TBC1D9B: variants seen among roughly 807,000 people sequenced by gnomAD.
TBC1D9B encodes the protein TBC1 domain family, member 9B (with GRAM domain).
Under a neutral mutation model 121.1 loss-of-function variants are expected in TBC1D9B, and 87 were observed. The ratio of observed to expected loss-of-function variants is 0.72; its 90% confidence interval spans 0.60 to 0.86. The LOEUF (loss-of-function observed/expected upper bound fraction) is 0.86. TBC1D9B is among the 40% of genes least tolerant of loss of function. The pLI is 0.00. For synonymous variants in TBC1D9B, 668 were observed against 670.1 expected (o/e 1.00, Z 0.05); for missense variants, 1,540 against 1,628.6 (o/e 0.95, Z 0.94).
chr5:179,863,351 A>C lies in TBC1D9B; in HGVS notation c.*97T>G. 1 of 1,390,152 alleles carries C rather than the reference A, an allele frequency of 7.2e-7. No individual in the cohort carries two copies. Among genetic ancestry groups the C allele is most frequent in the South Asian group, 1.4e-5 (1 of 71,550 alleles). The allele number at this position is 1,390,152 out of a possible 1,614,324, so 86.1% of individuals were successfully genotyped here. On this transcript the variant is annotated 3_prime_UTR_variant, in exon 21 of 21. Coordinates refer to ENST00000355235, the MANE Select transcript of TBC1D9B (RefSeq NM_015043.4). The surrounding 1 kb of genome is among the most constrained non-coding windows in gnomAD (Gnocchi z 4.5). ...CTGCTCCTGGGAGAGCAGGAGGGGC[A>C]CACCTTTAAAGAGAAACTGATAAGG...
Position 179,907,828 on chromosome 5 carries a change from G to C in TBC1D9B, c.-7C>G. On this transcript the variant is annotated 5_prime_UTR_variant, in exon 1 of 21. Coordinates refer to ENST00000355235, the MANE Select transcript of TBC1D9B (RefSeq NM_015043.4). This position sits in a 1 kb window ranked among gnomAD's most constrained non-coding sequence, Gnocchi z 5.3. ...CCTCCGGGCTCAGCCACATCGCGGA[G>C]CCGCTCGCACCGGGCCGAGGCCCGC... The C allele has an allele frequency of 8.7e-7, 1 of 1,154,940 alleles. No individual in the cohort carries two copies. Among genetic ancestry groups the C allele is most frequent in the Non-Finnish European group, 1.1e-6 (1 of 917,374 alleles). 71.5% of individuals were successfully genotyped at this position (1,154,940 alleles called of 1,614,324 possible).
chr5:179,863,389 G>A lies in TBC1D9B; in HGVS notation c.*59C>T, dbSNP rs529152077. The stretch of plus-strand genomic sequence containing the variant: ...GAAACTGATAAGGGAGGAAAGGCAG[G>A]AGGAGATGAGGCCAGCCCCACTGAT... On this transcript the variant is annotated 3_prime_UTR_variant, in exon 21 of 21. Transcript: ENST00000355235. The surrounding 1 kb of genome is among the most constrained non-coding windows in gnomAD (Gnocchi z 4.5). The A allele has an allele frequency of 1.2e-5, 18 of 1,550,666 alleles. No individual in the cohort carries two copies. The highest frequency in any genetic ancestry group is 6.8e-5 in the African/African-American group (5 of 73,114).
rs755343885 is a variant in TBC1D9B, at chr5:179,899,188, C to T, written c.348+1G>A. 1.2e-5 allele frequency: 20 copies of T among 1,600,632 alleles called. No homozygotes were observed. Among genetic ancestry groups the T allele is most frequent in the African/African-American group, 6.7e-5 (5 of 74,568 alleles). On this transcript the variant is annotated splice_donor_variant, in intron 3 of 20. Coordinates refer to ENST00000355235, the MANE Select transcript of TBC1D9B (RefSeq NM_015043.4). LOFTEE classifies it high-confidence loss of function. ...AACAGAGAGTGGCGGGTAAACCTTA[C>T]GTGTATCTTGCCCTTGACGAAGGTG... is the stretch of plus-strand genomic sequence containing the variant.
At chr5:179,886,164 C>G (rs1017394784) in intron 7 of TBC1D9B, among the ~76,000 whole-genome samples, 3 of 152,158 alleles carry the variant, frequency 2.0e-5, no homozygotes, top group Non-Finnish European at 2.9e-5. Context: ...TCCTGATCCC[C>G]TCATCCTGCT....
chr5:179,863,901 C>T lies in TBC1D9B; in HGVS notation c.3249G>A (p.Gln1083=). The change falls in exon 21 of 21, where the codon CAG becomes CAA. Residue 1083 remains glutamine, a synonymous_variant. Transcript: ENST00000355235. This position sits in a 1 kb window ranked among gnomAD's most constrained non-coding sequence, Gnocchi z 4.5. ...CTTGGGGGTCTCCTGCAGCTGGGGG[C>T]TGAAGCTCCCTGGCTGCGTCCTGAT... ...ELHQDAAREL[Q]PPAAGDPQAK... The T allele has an allele frequency of 6.2e-7, 1 of 1,613,342 alleles. No homozygotes were observed. Among genetic ancestry groups the T allele is most frequent in the Non-Finnish European group, 8.5e-7 (1 of 1,179,634 alleles).
intron 10 of TBC1D9B, 107 bp downstream of exon 10, chr5:179,878,202 C>A: frequency 8.4e-7 from 1 of 1,196,254 alleles, no homozygotes; most frequent in South Asian, 1.5e-5. Context: ...GGGCTCCTTC[C>A]TTGGGACACA....
At position 179,863,957 on chromosome 5, in the gene TBC1D9B, C is replaced by T; in HGVS notation, c.3193G>A (p.Glu1065Lys). The change falls in exon 21 of 21, where the codon GAG becomes AAG. Residue 1065 changes from glutamate to lysine, a missense_variant. Physicochemically the swap from Glu to Lys is moderately conservative, Grantham distance 56 (BLOSUM62 1). Coordinates refer to ENST00000355235, the MANE Select transcript of TBC1D9B (RefSeq NM_015043.4). This position sits in a 1 kb window ranked among gnomAD's most constrained non-coding sequence, Gnocchi z 4.5. The stretch of plus-strand genomic sequence containing the variant: ...TCGGGTGCTGGTGGCTCGTCCTCCT[C>T]AGTGGCACAGTCCCTGGGCTTCCTG... ...TGRKPRDCAT[E>K]EDEPPAPELH... is the part of the protein sequence containing the mutation. 6.2e-7 allele frequency: 1 copy of T among 1,613,846 alleles called. No individual in the cohort carries two copies. The highest frequency in any genetic ancestry group is 8.5e-7 in the Non-Finnish European group (1 of 1,180,040).
In TBC1D9B at chr5:179,890,893, C is replaced by T. The variant is rs1244371618; in HGVS notation, c.1044+486G>A. Among the ~76,000 whole-genome samples the T allele has an allele frequency of 6.6e-6, 1 of 152,166 alleles. No individual in the cohort carries two copies. Among genetic ancestry groups the T allele is most frequent in the East Asian group, 1.9e-4 (1 of 5,188 alleles). ...GCCAATGCAGCCTCACAGGGGAGAGCCGACGCCGCCCCACAGGGGAGAGCC... is the reference window on the plus strand; with the variant it reads ...GCCAATGCAGCCTCACAGGGGAGAGTCGACGCCGCCCCACAGGGGAGAGCC... On this transcript the variant is annotated intron_variant, in intron 6 of 20. Coordinates refer to ENST00000355235, the MANE Select transcript of TBC1D9B (RefSeq NM_015043.4). The surrounding 1 kb of genome is among the most constrained non-coding windows in gnomAD (Gnocchi z 5.0).
chr5:179,894,634 C>T lies in TBC1D9B; in HGVS notation c.349-20G>A. The T allele has an allele frequency of 6.2e-7, 1 of 1,612,832 alleles. No homozygotes were observed. Among genetic ancestry groups the T allele is most frequent in the Middle Eastern group, 1.7e-4 (1 of 6,060 alleles). Reference sequence around the variant, plus strand: ...GATTCCCTGGAGGAAGGCAAGAGGACAAGGGCTTGCCCTGCACAGTCCCGG... The same window carrying T: ...GATTCCCTGGAGGAAGGCAAGAGGATAAGGGCTTGCCCTGCACAGTCCCGG... On this transcript the variant is annotated intron_variant, in intron 3 of 20. Coordinates refer to ENST00000355235, the MANE Select transcript of TBC1D9B (RefSeq NM_015043.4).
chr5:179,879,880 C>A, intron 7 of TBC1D9B, 91 bp from the exon 8 acceptor site: 1 of 1,427,796 alleles, frequency 7.0e-7, no homozygotes, highest in South Asian at 1.4e-5. Flanking sequence ...GGATCGGGGC[C>A]CGGTGCAAGA....
chr5:179,903,766 C>T (rs766412453), intron 2 of TBC1D9B, among the ~76,000 whole-genome samples: 1 of 152,164 alleles, frequency 6.6e-6, no homozygotes, highest in African/African-American at 2.4e-5. Flanking sequence ...GGAACAAGAG[C>T]GCTATGCTTG....
chr5:179,868,046 T>TA, intron 17 of TBC1D9B, 197 bp from the exon 18 acceptor site: 1 of 188,084 alleles, frequency 5.3e-6, no homozygotes, highest in East Asian at 1.2e-4. Flanking sequence ...TTTCCTCAGC[T>TA]TTTTTTTTTT....
At chr5:179,901,147 C>T (rs935030769) in intron 2 of TBC1D9B, among the ~76,000 whole-genome samples, 4 of 152,236 alleles carry the variant, frequency 2.6e-5, no homozygotes, top group Non-Finnish European at 5.9e-5. Context: ...AAAACGATTC[C>T]ACCCAGAATC....
At position 179,875,973 on chromosome 5, in the gene TBC1D9B, A is replaced by G; in HGVS notation, c.1847T>C (p.Leu616Pro). 6.2e-7 allele frequency: 1 copy of G among 1,612,094 alleles called. No homozygotes were observed. Among genetic ancestry groups the G allele is most frequent in the Non-Finnish European group, 8.5e-7 (1 of 1,179,378 alleles). ...CAGCATGCGCTCGCACAGGGCCACCAGGAGCCAGAAGGCCTCCTCCTCACT... is the reference window on the plus strand; with the variant it reads ...CAGCATGCGCTCGCACAGGGCCACCGGGAGCCAGAAGGCCTCCTCCTCACT... ...YGSEEEAFWL[L>P]VALCERMLPD... is the part of the protein sequence containing the mutation. The change falls in exon 11 of 21, where the codon CTG (leucine) becomes CCG (proline). Residue 616 changes from leucine to proline, a missense_variant. By Grantham distance (98) the Leu-to-Pro change is moderately conservative (BLOSUM62 -3). Transcript: ENST00000355235. This position sits in a 1 kb window ranked among gnomAD's most constrained non-coding sequence, Gnocchi z 4.5.
rs779851044 is a variant in TBC1D9B, at chr5:179,888,309, T to C, written c.1048A>G (p.Thr350Ala). ...CHLIIPLREV[T>A]IVEKADSSSV... is the part of the protein sequence containing the mutation. Reference sequence around the variant, plus strand: ...GAGCTGTCAGCTTTTTCGACAATGGTCACCTGAGAAGGTGAAAGAACTCTT... The same window carrying C: ...GAGCTGTCAGCTTTTTCGACAATGGCCACCTGAGAAGGTGAAAGAACTCTT... The change falls in exon 7 of 21, where the codon ACC becomes GCC. Residue 350 changes from threonine to alanine, a missense_variant. Thr to Ala is a moderately conservative substitution (Grantham distance 58, BLOSUM62 0). Coordinates refer to ENST00000355235, the MANE Select transcript of TBC1D9B (RefSeq NM_015043.4). 1.2e-6 allele frequency: 2 copies of C among 1,611,198 alleles called. No individual in the cohort carries two copies. The highest frequency in any genetic ancestry group is 2.7e-5 in the African/African-American group (2 of 74,638).
chr5:179,896,116 G>A (rs889395013), intron 3 of TBC1D9B, among the ~76,000 whole-genome samples: 4 of 152,158 alleles, frequency 2.6e-5, no homozygotes, highest in Non-Finnish European at 4.4e-5. Flanking sequence ...GGAAGCATAA[G>A]CTGTTTTCGT....
chr5:179,891,419 T>A lies in TBC1D9B; in HGVS notation c.1004A>T (p.Lys335Met). The change falls in exon 6 of 21, where the codon AAG becomes ATG. Residue 335 changes from lysine to methionine, a missense_variant. By Grantham distance (95) the Lys-to-Met change is moderately conservative. Coordinates refer to ENST00000355235, the MANE Select transcript of TBC1D9B (RefSeq NM_015043.4). This position sits in a 1 kb window ranked among gnomAD's most constrained non-coding sequence, Gnocchi z 4.3. ...GATGAGGTGGCAAGCGTCCTCCTCC[T>A]TGCTGGCGAAGCAGATGTAGTTGTT... Reference protein sequence around the residue: ...ISNNYICFASKEEDACHLIIP... With the variant: ...ISNNYICFASMEEDACHLIIP... 6.2e-7 allele frequency: 1 copy of A among 1,614,222 alleles called. No individual in the cohort carries two copies. Among genetic ancestry groups the A allele is most frequent in the Non-Finnish European group, 8.5e-7 (1 of 1,180,034 alleles).
rs764767203 is a variant in TBC1D9B at position 179,891,336 on chromosome 5, C to T, written c.1044+43G>A. 37 of 1,609,744 alleles carry T rather than the reference C, an allele frequency of 2.3e-5. No homozygotes were observed. Among genetic ancestry groups the T allele is most frequent in the African/African-American group, 2.7e-5 (2 of 74,850 alleles). On this transcript the variant is annotated intron_variant, in intron 6 of 20. Coordinates refer to ENST00000355235, the MANE Select transcript of TBC1D9B (RefSeq NM_015043.4). The surrounding 1 kb of genome is among the most constrained non-coding windows in gnomAD (Gnocchi z 4.3). ...CTGGTCCCTGAGCCCACTGACACCTCGGGGCTGGAAAGGCCTTGGCCTCTC... is the reference window on the plus strand; with the variant it reads ...CTGGTCCCTGAGCCCACTGACACCTTGGGGCTGGAAAGGCCTTGGCCTCTC...
At chr5:179,867,972 A>C in intron 17 of TBC1D9B, 123 bp from the exon 18 acceptor site, 1 of 831,136 alleles carries the variant, frequency 1.2e-6, no homozygotes. Flanking sequence ...CAGTCCCAGC[A>C]CCTGCCCATG....
Sources: allele counts gnomAD v4.1 joint callset (sites outside exome capture counted in the v4.1 genomes callset), GRCh38; gene constraint gnomAD v4.1.1; non-coding constraint Gnocchi (gnomAD v3.1); transcripts MANE v1.5; gene names NCBI Gene and HGNC (gene_info 2026-07-23, HGNC 2026-07-21).